L3MBTL4: variants seen among roughly 807,000 people sequenced by gnomAD.
L3MBTL4 encodes L3MBTL histone methyl-lysine binding protein 4, also known as lethal(3)malignant brain tumor-like protein 4.
In L3MBTL4, 70 loss-of-function variants were observed where a neutral mutation model predicts 84.5. The ratio of observed to expected loss-of-function variants is 0.83; its 90% CI spans 0.68 to 1.01. The LOEUF (loss-of-function observed/expected upper bound fraction) is 1.01, where lower values mean the gene tolerates loss of function less well. Among genes scored for constraint, L3MBTL4 ranks in the 50% least tolerant of loss-of-function variants. L3MBTL4 has a pLI of 0.00. For synonymous variants in L3MBTL4, 274 were observed against 259.8 expected (o/e 1.05, Z -0.52); for missense variants, 715 against 754.8 (o/e 0.95, Z 0.62).
intron 4 of L3MBTL4, among the ~76,000 whole-genome samples, chr18:6,278,023 T>A (rs2049163296): frequency 6.6e-6 from 1 of 152,024 alleles, no homozygotes; most frequent in African/African-American, 2.4e-5. Flanking sequence ...CAAATACATA[T>A]CTATGTATAT....
In L3MBTL4 at chr18:6,080,961, G is replaced by T; in HGVS notation, c.1374-10C>A. ...TGCCTGCTGTACAAGTCTGGGCAAA[G>T]AACAGAAATAAAATCTAGATTCATT... On this transcript the variant is annotated splice_polypyrimidine_tract_variant and intron_variant, in intron 15 of 18. Transcript: ENST00000317931. 6.3e-7 allele frequency: 1 copy of T among 1,588,050 alleles called. No homozygotes were observed.
chr18:6,140,606 G>A (rs979398836), intron 13 of L3MBTL4, among the ~76,000 whole-genome samples: 2 of 151,890 alleles, frequency 1.3e-5, no homozygotes, highest in African/African-American at 4.8e-5. Context: ...CTGCAGTGTG[G>A]GACGCACTTT....
intron 9 of L3MBTL4, 42 bp from the exon 10 acceptor site, chr18:6,238,082 T>C (rs1483397798): frequency 2.6e-6 from 4 of 1,543,930 alleles, no homozygotes; most frequent in Admixed American, 1.7e-5. Flanking sequence ...TTTTACTTCA[T>C]GCCAGAGAAA....
At chr18:6,017,148 G>A (rs1394391988) in intron 16 of L3MBTL4, among the ~76,000 whole-genome samples, 2 of 152,198 alleles carry the variant, frequency 1.3e-5, no homozygotes, top group African/African-American at 4.8e-5. Flanking sequence ...AAAGAAAGAA[G>A]AAAATGGCCA....
At chr18:6,334,002 T>C (rs1006897841) in intron 1 of L3MBTL4, among the ~76,000 whole-genome samples, 4 of 152,320 alleles carry the variant, frequency 2.6e-5, no homozygotes, top group Middle Eastern at 3.4e-3. Context: ...TTCCAAACGA[T>C]GCAATATTTG....
At chr18:6,057,972 T>G (rs2057083429) in intron 16 of L3MBTL4, among the ~76,000 whole-genome samples, 1 of 152,238 alleles carries the variant, frequency 6.6e-6, no homozygotes, top group African/African-American at 2.4e-5. Flanking sequence ...TATAAAGAGA[T>G]AAAAATTTCT....
At chr18:6,288,004 C>T (rs1459262362) in intron 4 of L3MBTL4, among the ~76,000 whole-genome samples, 1 of 152,170 alleles carries the variant, frequency 6.6e-6, no homozygotes, top group Non-Finnish European at 1.5e-5. Flanking sequence ...AGTCACATCG[C>T]TGCACTCCAG....
chr18:6,044,356 T>C (rs623220), intron 16 of L3MBTL4, among the ~76,000 whole-genome samples: 50,496 of 152,130 alleles, frequency 0.33, 8,919 homozygotes, highest in East Asian at 0.68. Context: ...TTTGAGTCTG[T>C]GTTCATGCCA....
At chr18:6,005,636 C>T (rs904593333) in intron 16 of L3MBTL4, among the ~76,000 whole-genome samples, 4 of 152,032 alleles carry the variant, frequency 2.6e-5, no homozygotes, top group African/African-American at 7.2e-5. Context: ...AATGGTGTCC[C>T]GCTTCATCTA....
At position 6,046,684 on chromosome 18, in the gene L3MBTL4, A is replaced by T. The variant is rs773852014; in HGVS notation, c.1444+34197T>A. Reference sequence around the variant, plus strand: ...TAAATAACAAAACTAAGGCAGAAGTAAAAAAAAGTCTTTGAAATAAATGAA... The same window carrying T: ...TAAATAACAAAACTAAGGCAGAAGTTAAAAAAAGTCTTTGAAATAAATGAA... On this transcript the variant is annotated intron_variant, in intron 16 of 18. Coordinates refer to ENST00000317931, the MANE Select transcript of L3MBTL4 (RefSeq NM_001330559.2). 14 of 745,602 alleles carry T rather than the reference A, an allele frequency of 1.9e-5. No homozygotes were observed. The African/African-American group carries it at 2.3e-4, about 12-fold the overall frequency. 46.2% of individuals were successfully genotyped at this position (745,602 alleles called of 1,614,324 possible). A position where few individuals can be genotyped will look rare whatever the true frequency, so the allele number is the denominator to read the frequency against.
chr18:6,026,792 G>T (rs964626948), intron 16 of L3MBTL4, among the ~76,000 whole-genome samples: 6 of 152,242 alleles, frequency 3.9e-5, no homozygotes, highest in African/African-American at 1.4e-4. Flanking sequence ...TTTAATAACA[G>T]TCACATTCAT....
chr18:6,205,166 G>T (rs11874579), intron 12 of L3MBTL4, among the ~76,000 whole-genome samples: 9,632 of 152,188 alleles, frequency 0.063, 997 homozygotes, highest in African/African-American at 0.22. Flanking sequence ...CTACAGTGCT[G>T]AGAAGAGGAA....
At chr18:6,215,890 C>A (rs1293337202) in intron 10 of L3MBTL4, 55 bp from the exon 11 acceptor site, 11 of 976,678 alleles carry the variant, frequency 1.1e-5, no homozygotes, top group Non-Finnish European at 1.7e-5. Context: ...TTCTGATTCC[C>A]GTATACTACA....
rs117757043 is a variant in L3MBTL4 at position 6,405,229 on chromosome 18, G to A, written c.-91+9572C>T. On this transcript the variant is annotated intron_variant, in intron 1 of 18. Transcript: ENST00000317931. Reference sequence around the variant, plus strand: ...TGTGCCCTACGGCAGCAGTGGCCACGTAAACAATAGGGAAATAATACAACC... The same window carrying A: ...TGTGCCCTACGGCAGCAGTGGCCACATAAACAATAGGGAAATAATACAACC... Among the ~76,000 whole-genome samples, 101 of 152,248 alleles carry A rather than the reference G, an allele frequency of 6.6e-4. 2 individuals are homozygous for A. The East Asian group carries it at 0.018, about 28-fold the overall frequency.
chr18:6,201,153 C>T (rs1302840228), intron 12 of L3MBTL4, among the ~76,000 whole-genome samples: 1 of 152,100 alleles, frequency 6.6e-6, no homozygotes, highest in Admixed American at 6.5e-5. Context: ...ATAAATAAAA[C>T]AAATATATAA....
intron 1 of L3MBTL4, among the ~76,000 whole-genome samples, chr18:6,319,446 G>A (rs2147037891): frequency 6.6e-6 from 1 of 152,128 alleles, no homozygotes; most frequent in African/African-American, 2.4e-5. Flanking sequence ...TGAAAATGAT[G>A]ACATTACGAC....
At chr18:6,174,288 T>A (rs1202446276) in intron 12 of L3MBTL4, among the ~76,000 whole-genome samples, 1 of 152,156 alleles carries the variant, frequency 6.6e-6, no homozygotes, top group African/African-American at 2.4e-5. Flanking sequence ...GAACCTAAGA[T>A]AACCTAGATG....
rs73383907 is a variant in L3MBTL4 at position 6,177,247 on chromosome 18, A to G, written c.982-5305T>C. 4.6e-3 allele frequency among the ~76,000 whole-genome samples: 705 copies of G among 152,366 alleles called. 2 individuals carry two copies. The highest frequency in any genetic ancestry group is 0.016 in the African/African-American group (682 of 41,592). On this transcript the variant is annotated intron_variant, in intron 12 of 18. Transcript: ENST00000317931. ...CCCAACAGGTGAACATTCATTCACAAACAAGTGTGCAATGTCCATAAAACG... is the reference window on the plus strand; with the variant it reads ...CCCAACAGGTGAACATTCATTCACAGACAAGTGTGCAATGTCCATAAAACG...
At chr18:6,106,295 A>C (rs1218021091) in intron 14 of L3MBTL4, among the ~76,000 whole-genome samples, 1 of 152,192 alleles carries the variant, frequency 6.6e-6, no homozygotes. Context: ...TGTACATACT[A>C]GGTACTTTGC....
Sources: allele counts gnomAD v4.1 joint callset (sites outside exome capture counted in the v4.1 genomes callset), GRCh38; gene constraint gnomAD v4.1.1; transcripts MANE v1.5; gene names NCBI Gene and HGNC (gene_info 2026-07-23, HGNC 2026-07-21).